The following GREM1 variants were observed in gnomAD, a reference collection of about 807,000 sequenced individuals.
The protein encoded by GREM1 is gremlin-1.
A neutral mutation model predicts 13.1 loss-of-function variants in GREM1; 6 were observed. The ratio of observed to expected loss-of-function variants is 0.46; its 90% CI spans 0.25 to 0.91. The LOEUF (loss-of-function observed/expected upper bound fraction) is 0.91, where lower values mean the gene tolerates loss of function less well. Ranked by LOEUF, GREM1 falls within the 40% of genes least tolerant of loss-of-function variation. The pLI, the probability that GREM1 is intolerant of heterozygous loss-of-function variation, is 0.18. For synonymous variants in GREM1, 98 were observed against 93.7 expected, an observed-to-expected ratio of 1.05 and a Z score of -0.27; for missense variants, 185 against 233.9, an observed-to-expected ratio of 0.79 and a Z score of 1.36.
rs1319860236 is a variant in GREM1 at position 32,730,864 on chromosome 15, G to T, written c.174G>T (p.Arg58=). 1 of 1,613,566 alleles carries T rather than the reference G, an allele frequency of 6.2e-7. No homozygotes were observed. ...CCCAGCAGCCTGGCTCCAGGAACCG[G>T]GGGCGGGGCCAAGGGCGGGGCACTG... is the stretch of plus-strand genomic sequence containing the variant. ...QSPQQPGSRN[R]GRGQGRGTAM... Residue 58 remains arginine, a synonymous_variant, in exon 2 of 2, where the codon CGG becomes CGT. Coordinates refer to ENST00000651154, the MANE Select transcript of GREM1 (RefSeq NM_013372.7).
At position 32,733,252 on chromosome 15, in the gene GREM1, G is replaced by A. The variant is rs995483049; in HGVS notation, c.*2007G>A. The A allele has an allele frequency of 8.9e-6, 2 of 225,068 alleles. No individual in the cohort carries two copies. The highest frequency in any genetic ancestry group is 4.5e-5 in the African/African-American group (2 of 44,102). The allele number at this position is 225,068 out of a possible 1,614,324, so 13.9% of individuals were successfully genotyped here. Reference sequence around the variant, plus strand: ...ATTCTCCAACAATAAAGCACAGAGTGGATTTAATTAAGCACACAAATGCTA... The same window carrying A: ...ATTCTCCAACAATAAAGCACAGAGTAGATTTAATTAAGCACACAAATGCTA... On this transcript the variant is annotated 3_prime_UTR_variant, in exon 2 of 2. Transcript: ENST00000651154.
At chr15:32,730,204 T>C (rs1282437965) in intron 1 of GREM1, among the ~76,000 whole-genome samples, 2 of 152,148 alleles carry the variant, frequency 1.3e-5, no homozygotes, top group Non-Finnish European at 2.9e-5. Context: ...CTTCCACATA[T>C]GATAAAAATG....
chr15:32,718,025 C>T lies in GREM1; in HGVS notation c.-138C>T, dbSNP rs978506096. 1 of 1,081,680 alleles carries T rather than the reference C, an allele frequency of 9.2e-7. No individual in the cohort carries two copies. Among genetic ancestry groups the T allele is most frequent in the Non-Finnish European group, 1.1e-6 (1 of 890,206 alleles). The allele number at this position is 1,081,680 out of a possible 1,614,324, so 67.0% of individuals were successfully genotyped here. ...TGGCACTCGGTGCGCCTTCCGCGGA[C>T]CGGGCGACCCAGTGCACGGCCGCCG... On this transcript the variant is annotated 5_prime_UTR_variant, in exon 1 of 2. Transcript: ENST00000651154.
chr15:32,731,077 G>C lies in GREM1; in HGVS notation c.387G>C (p.Arg129Ser). 10 of 1,614,144 alleles carry C rather than the reference G, an allele frequency of 6.2e-6. No homozygotes were observed. The highest frequency in any genetic ancestry group is 8.5e-6 in the Non-Finnish European group (10 of 1,180,028). Reference sequence around the variant, plus strand: ...AGTGCAACTCTTTCTACATCCCCAGGCACATCCGGAAGGAGGAAGGTTCCT... The same window carrying C: ...AGTGCAACTCTTTCTACATCCCCAGCCACATCCGGAAGGAGGAAGGTTCCT... ...YGQCNSFYIP[R>S]HIRKEEGSFQ... Residue 129 changes from arginine (R) to serine (S), a missense_variant, in exon 2 of 2, where the codon AGG becomes AGC. Arg to Ser is a moderately radical substitution (Grantham distance 110). Coordinates refer to ENST00000651154, the MANE Select transcript of GREM1 (RefSeq NM_013372.7).
intron 1 of GREM1, chr15:32,718,743 C>T (rs1156892030): frequency 3.1e-6 from 1 of 327,256 alleles, no homozygotes; most frequent in African/African-American, 2.2e-5. Flanking sequence ...CTGTGTTCAG[C>T]CACAGCGGAA....
chr15:32,724,491 G>A (rs920443390), intron 1 of GREM1, among the ~76,000 whole-genome samples: 7 of 152,174 alleles, frequency 4.6e-5, no homozygotes, highest in Admixed American at 1.3e-4. Context: ...TTGAATACCA[G>A]AAATTCGTGA....
intron 1 of GREM1, among the ~76,000 whole-genome samples, chr15:32,726,356 C>T (rs1441656951): frequency 6.6e-6 from 1 of 152,118 alleles, no homozygotes; most frequent in African/African-American, 2.4e-5. Context: ...GAAAACCACA[C>T]AACTGCATGG....
rs945766466 is a variant in GREM1, at chr15:32,743,666, T to G, written c.*12421T>G. The G allele has an allele frequency of 1.3e-5, 2 of 152,178 alleles. No homozygotes were observed. The highest frequency in any genetic ancestry group is 4.8e-5 in the African/African-American group (2 of 41,418). 9.4% of individuals were successfully genotyped at this position (152,178 alleles called of 1,614,324 possible). A position where few individuals can be genotyped will look rare whatever the true frequency, so the allele number is the denominator to read the frequency against. On this transcript the variant is annotated 3_prime_UTR_variant, in exon 2 of 2. Coordinates refer to ENST00000651154, the MANE Select transcript of GREM1 (RefSeq NM_013372.7). Reference sequence around the variant, plus strand: ...GGCTGGAGACGCACTTTCAATGTGGTGTACTCACGTGGCTGTTGGTTGGAG... The same window carrying G: ...GGCTGGAGACGCACTTTCAATGTGGGGTACTCACGTGGCTGTTGGTTGGAG...
rs887328816 is a variant in GREM1, at chr15:32,736,764, C to T, written c.*5519C>T. Reference sequence around the variant, plus strand: ...ACAACAACAAACCCTGGGGAAATGACAGTACGATCAAACCATGCATGGCCC... The same window carrying T: ...ACAACAACAAACCCTGGGGAAATGATAGTACGATCAAACCATGCATGGCCC... On this transcript the variant is annotated 3_prime_UTR_variant, in exon 2 of 2. Transcript: ENST00000651154. The T allele has an allele frequency of 2.0e-5, 3 of 152,204 alleles. No individual in the cohort carries two copies. The highest frequency in any genetic ancestry group is 4.8e-5 in the African/African-American group (2 of 41,444). 9.4% of individuals were successfully genotyped at this position (152,204 alleles called of 1,614,324 possible). A position where few individuals can be genotyped will look rare whatever the true frequency, so the allele number is the denominator to read the frequency against.
chr15:32,723,402 AG>A lies in GREM1; in HGVS notation c.-2+5242del, dbSNP rs1373522324. ...ACCCTGCTTACTGTCACTCATGTAG[AG>A]CAGCTAGTGTGCCTCAGAGCACTGC... On this transcript the variant is annotated intron_variant, in intron 1 of 1. Transcript: ENST00000651154. Among the ~76,000 whole-genome samples the A allele has an allele frequency of 3.6e-3, 554 of 152,244 alleles. 2 individuals carry two copies. Among genetic ancestry groups the A allele is most frequent in the African/African-American group, 0.013 (528 of 41,536 alleles).
At position 32,740,023 on chromosome 15, in the gene GREM1, C is replaced by G. The variant is rs1303332676; in HGVS notation, c.*8778C>G. 6.6e-6 allele frequency: 1 copy of G among 152,232 alleles called. No individual in the cohort carries two copies. Among genetic ancestry groups the G allele is most frequent in the Non-Finnish European group, 1.5e-5 (1 of 68,092 alleles). 9.4% of individuals were successfully genotyped at this position (152,232 alleles called of 1,614,324 possible). A position where few individuals can be genotyped will look rare whatever the true frequency, so the allele number is the denominator to read the frequency against. ...ACCCTGCCCTCTACTGCCTCACCTC[C>G]TGGCTCAGCACAGACAGGACAAAAA... On this transcript the variant is annotated 3_prime_UTR_variant, in exon 2 of 2. Transcript: ENST00000651154.
At chr15:32,729,441 C>T (rs1219976501) in intron 1 of GREM1, among the ~76,000 whole-genome samples, 1 of 152,320 alleles carries the variant, frequency 6.6e-6, no homozygotes, top group East Asian at 1.9e-4. Flanking sequence ...TCCTTCTCCA[C>T]CTTTCCCTCT....
rs1361433523 is a variant in GREM1 at position 32,738,111 on chromosome 15, A to C, written c.*6866A>C. ...AAAAAAAAAAAAAAAAAAAAAAAAA[A>C]AAAAAAAAAAAAAAAAAAAAAAGAA... is the stretch of plus-strand genomic sequence containing the variant. On this transcript the variant is annotated 3_prime_UTR_variant, in exon 2 of 2. Coordinates refer to ENST00000651154, the MANE Select transcript of GREM1 (RefSeq NM_013372.7). 7.0e-4 allele frequency: 87 copies of C among 124,518 alleles called. 3 individuals carry two copies. Among genetic ancestry groups the C allele is most frequent in the Middle Eastern group, 3.9e-3 (1 of 254 alleles). The allele number at this position is 124,518 out of a possible 1,614,324, so 7.7% of individuals were successfully genotyped here. A position where few individuals can be genotyped will look rare whatever the true frequency, so the allele number is the denominator to read the frequency against.
intron 1 of GREM1, among the ~76,000 whole-genome samples, chr15:32,728,590 TAC>T (rs2055555489): frequency 6.6e-6 from 1 of 152,250 alleles, no homozygotes; most frequent in Non-Finnish European, 1.5e-5. Context: ...ATCTAGATCC[TAC>T]ACTGCCTTTG....
chr15:32,728,050 G>C (rs890408037), intron 1 of GREM1, among the ~76,000 whole-genome samples: 8 of 152,042 alleles, frequency 5.3e-5, no homozygotes, highest in African/African-American at 1.9e-4. Context: ...TATGAAAATG[G>C]CCATACTGCC....
chr15:32,720,925 G>A (rs1411002604), intron 1 of GREM1, among the ~76,000 whole-genome samples: 1 of 152,176 alleles, frequency 6.6e-6, no homozygotes, highest in Non-Finnish European at 1.5e-5. Flanking sequence ...GGGAGGCCAA[G>A]GAGGACGGAT....
rs959923532 is a variant in GREM1 at position 32,733,852 on chromosome 15, C to A, written c.*2607C>A. On this transcript the variant is annotated 3_prime_UTR_variant, in exon 2 of 2. Coordinates refer to ENST00000651154, the MANE Select transcript of GREM1 (RefSeq NM_013372.7). ...TGTGCTTGGCATTAAAAGAAAAAAA[C>A]ACACATCCTGGAAGTCTGTAAGTTG... is the stretch of plus-strand genomic sequence containing the variant. 1.3e-5 allele frequency: 3 copies of A among 239,938 alleles called. No individual in the cohort carries two copies. The highest frequency in any genetic ancestry group is 2.6e-5 in the Non-Finnish European group (3 of 113,288). 14.9% of individuals were successfully genotyped at this position (239,938 alleles called of 1,614,324 possible).
At chr15:32,729,606 T>TCA (rs905684947) in intron 1 of GREM1, among the ~76,000 whole-genome samples, 1 of 152,126 alleles carries the variant, frequency 6.6e-6, no homozygotes, top group Admixed American at 6.5e-5. Flanking sequence ...TCACCTCACC[T>TCA]CCTTGTTATT....
chr15:32,735,618 C>T lies in GREM1; in HGVS notation c.*4373C>T, dbSNP rs942559350. 1 of 152,126 alleles carries T rather than the reference C, an allele frequency of 6.6e-6. No individual in the cohort carries two copies. 9.4% of individuals were successfully genotyped at this position (152,126 alleles called of 1,614,324 possible). On this transcript the variant is annotated 3_prime_UTR_variant, in exon 2 of 2. Coordinates refer to ENST00000651154, the MANE Select transcript of GREM1 (RefSeq NM_013372.7). ...GCATTCAGTCAAAGCCTCTTGGCCA[C>T]CTCTCTTTTTGTCATGGCCTTCTTG...
Sources: gnomAD v4.1 joint callset for allele counts (sites outside exome capture counted in the v4.1 genomes callset) on GRCh38, gnomAD v4.1.1 for gene constraint, MANE v1.5 for transcripts, NCBI Gene and HGNC (gene_info 2026-07-23, HGNC 2026-07-21) for gene names.